The following CECR2 variants were observed in gnomAD, a reference collection of about 807,000 sequenced individuals.
The protein encoded by CECR2 is CECR2 histone acetyl-lysine reader.
CECR2 carries 30 observed loss-of-function variants against 154.5 expected under a neutral mutation model. The ratio of observed to expected loss-of-function variants is 0.19; its 90% confidence interval spans 0.15 to 0.26. The LOEUF (loss-of-function observed/expected upper bound fraction) is 0.26, where lower values mean the gene tolerates loss of function less well. Among genes scored for constraint, CECR2 ranks in the 10% least tolerant of loss-of-function variants. The probability of loss-of-function intolerance (pLI) is 1.00; values close to 1 mark genes in which losing one functional copy is unlikely to be tolerated. For missense variants in CECR2, 1,743 were observed against 1,829.3 expected, an observed-to-expected ratio of 0.95 and a Z score of 0.86; for synonymous variants, 725 against 683.7, an observed-to-expected ratio of 1.06 and a Z score of -0.94.
At chr22:17,542,064 C>T (rs1230096459) in intron 15 of CECR2, 93 bp from the exon 16 acceptor site, 4 of 1,567,896 alleles carry the variant, frequency 2.6e-6, no homozygotes, top group Non-Finnish European at 3.5e-6. Flanking sequence ...TCATTGCGTC[C>T]TTTCCCAAAG....
intron 1 of CECR2, among the ~76,000 whole-genome samples, chr22:17,440,397 G>A (rs1199793764): frequency 1.3e-5 from 2 of 151,932 alleles, no homozygotes; most frequent in East Asian, 3.8e-4. Flanking sequence ...CCTCTTTTTT[G>A]CCTTGTTGAT....
intron 1 of CECR2, among the ~76,000 whole-genome samples, chr22:17,432,098 C>T (rs1214532667): frequency 1.4e-5 from 2 of 139,416 alleles, no homozygotes; most frequent in Admixed American, 1.4e-4. Flanking sequence ...TCACACAGCC[C>T]CACTTTGTGC....
intron 1 of CECR2, among the ~76,000 whole-genome samples, chr22:17,404,467 G>A (rs1211942944): frequency 4.3e-5 from 5 of 116,770 alleles, no homozygotes; most frequent in African/African-American, 1.1e-4. Flanking sequence ...TCCGCCTCTC[G>A]GGTTCACGCC....
At chr22:17,431,790 G>A (rs965881658) in intron 1 of CECR2, among the ~76,000 whole-genome samples, 10 of 111,552 alleles carry the variant, frequency 9.0e-5, no homozygotes, top group East Asian at 8.2e-4. Flanking sequence ...TGGGAGGGGC[G>A]CGGCTTATTG....
At chr22:17,466,578 A>G (rs2055036008) in intron 1 of CECR2, among the ~76,000 whole-genome samples, 3 of 148,704 alleles carry the variant, frequency 2.0e-5, no homozygotes, top group Non-Finnish European at 4.4e-5. Context: ...GGTAACCACT[A>G]TTGTTACTTA....
At chr22:17,399,466 G>A (rs1428827316) in intron 1 of CECR2, among the ~76,000 whole-genome samples, 5 of 148,168 alleles carry the variant, frequency 3.4e-5, no homozygotes, top group Non-Finnish European at 4.4e-5. Context: ...TCTCCAGGCT[G>A]GAGTGCCGTG....
At chr22:17,397,792 C>T (rs1480999407) in intron 1 of CECR2, among the ~76,000 whole-genome samples, 3 of 152,150 alleles carry the variant, frequency 2.0e-5, no homozygotes, top group East Asian at 1.9e-4. Flanking sequence ...TCACCGTGCC[C>T]GGCTAACACA....
At position 17,524,239 on chromosome 22, in the gene CECR2, G is replaced by T; in HGVS notation, c.1076G>T (p.Arg359Leu). 1 of 1,609,848 alleles carries T rather than the reference G, an allele frequency of 6.2e-7. No homozygotes were observed. The highest frequency in any genetic ancestry group is 8.5e-7 in the Non-Finnish European group (1 of 1,178,298). Reference sequence around the variant, plus strand: ...CAGATGCTAAAGGAAGAGAGGAAACGCGAGTTGGAGGAGAAGGTCAAGGCA... The same window carrying T: ...CAGATGCTAAAGGAAGAGAGGAAACTCGAGTTGGAGGAGAAGGTCAAGGCA... ...QEQMLKEERK[R>L]ELEEKVKAVE... Residue 359 changes from arginine (R) to leucine (L), a missense_variant, in exon 9 of 19, where the codon CGC (arginine) becomes CTC (leucine). Transcript: ENST00000262608.
chr22:17,472,411 C>T (rs145382108), intron 1 of CECR2, among the ~76,000 whole-genome samples: 16 of 152,324 alleles, frequency 1.1e-4, no homozygotes, highest in South Asian at 1.0e-3. Flanking sequence ...TGGGACAGTC[C>T]TTCAAGAGGC....
At chr22:17,394,456 G>A (rs116119196) in intron 1 of CECR2, among the ~76,000 whole-genome samples, 3,760 of 151,872 alleles carry the variant, frequency 0.025, 172 homozygotes, top group African/African-American at 0.086. Context: ...TGATGCTCCT[G>A]CGTAGGTTTT....
chr22:17,464,344 C>A (rs1213670414), intron 1 of CECR2, among the ~76,000 whole-genome samples: 2 of 152,104 alleles, frequency 1.3e-5, no homozygotes, highest in African/African-American at 2.4e-5. Flanking sequence ...AAAGAAGTGG[C>A]CATATTCTCC....
chr22:17,457,544 G>T (rs150358679), intron 1 of CECR2, among the ~76,000 whole-genome samples: 402 of 152,334 alleles, frequency 2.6e-3, no homozygotes, highest in Middle Eastern at 0.01. Flanking sequence ...CAAGGGCAGG[G>T]AGCTTTCTCC....
intron 1 of CECR2, among the ~76,000 whole-genome samples, chr22:17,454,604 CA>C (rs533818885): frequency 5.3e-3 from 467 of 88,474 alleles, no homozygotes; most frequent in Non-Finnish European, 6.7e-3. Context: ...GACTCCGTCT[CA>C]AAAAAAAAAA....
At chr22:17,523,870 A>T (rs896429559) in intron 8 of CECR2, among the ~76,000 whole-genome samples, 3 of 152,142 alleles carry the variant, frequency 2.0e-5, no homozygotes, top group African/African-American at 7.2e-5. Flanking sequence ...TATCCATAAG[A>T]TTGTCTCCTA....
At chr22:17,397,128 T>A (rs1203779485) in intron 1 of CECR2, among the ~76,000 whole-genome samples, 1 of 152,042 alleles carries the variant, frequency 6.6e-6, no homozygotes, top group Admixed American at 6.6e-5. Context: ...CTTTTTTTTT[T>A]TATTTATTTT....
intron 1 of CECR2, among the ~76,000 whole-genome samples, chr22:17,443,179 T>A (rs1245762329): frequency 2.6e-5 from 4 of 152,208 alleles, no homozygotes; most frequent in Non-Finnish European, 5.9e-5. Flanking sequence ...CTACAAATCC[T>A]TAAATCCATA....
At chr22:17,448,420 T>C (rs904195634) in intron 1 of CECR2, among the ~76,000 whole-genome samples, 5 of 152,234 alleles carry the variant, frequency 3.3e-5, no homozygotes, top group African/African-American at 1.2e-4. Flanking sequence ...AGAAGTAATG[T>C]AATGGAAGAT....
chr22:17,456,188 A>T (rs1171240487), intron 1 of CECR2, among the ~76,000 whole-genome samples: 1 of 152,214 alleles, frequency 6.6e-6, no homozygotes, highest in East Asian at 1.9e-4. Flanking sequence ...ATTGATAAAA[A>T]TACTATATTC....
At chr22:17,495,217 GTAAAA>G (rs1343972979) in intron 2 of CECR2, among the ~76,000 whole-genome samples, 1 of 152,134 alleles carries the variant, frequency 6.6e-6, no homozygotes, top group Non-Finnish European at 1.5e-5. Flanking sequence ...TAGTTGAGAT[GTAAAA>G]TAACCATCTA....
Sources: gnomAD v4.1 joint callset for allele counts (sites outside exome capture counted in the v4.1 genomes callset) on GRCh38, gnomAD v4.1.1 for gene constraint, MANE v1.5 for transcripts, NCBI Gene and HGNC (gene_info 2026-07-23, HGNC 2026-07-21) for gene names.